PTPRD: variants seen among roughly 807,000 people sequenced by gnomAD.
PTPRD encodes the protein protein tyrosine phosphatase receptor type D.
Under a neutral mutation model 214.5 loss-of-function variants are expected in PTPRD, and 34 were observed. The observed-to-expected ratio is 0.16, with a 90% CI of 0.12 to 0.21. The LOEUF (loss-of-function observed/expected upper bound fraction) is 0.21, where lower values mean the gene tolerates loss of function less well. PTPRD is among the 10% of genes least tolerant of loss of function. The pLI is 1.00. For synonymous variants in PTPRD, 1,128 were observed against 845.7 expected (o/e 1.33, Z -5.79); for missense variants, 2,545 against 2,398.7 (o/e 1.06, Z -1.27).
chr9:9,595,009 G>A (rs1180550857), intron 7 of PTPRD, among the ~76,000 whole-genome samples: 6 of 151,918 alleles, frequency 3.9e-5, no homozygotes, highest in African/African-American at 1.4e-4. Flanking sequence ...TAATGATTAG[G>A]GGAATGCAAA....
chr9:8,603,119 GT>G (rs1351100570), intron 14 of PTPRD, among the ~76,000 whole-genome samples: 1 of 152,164 alleles, frequency 6.6e-6, no homozygotes, highest in African/African-American at 2.4e-5. Context: ...ATTCATGGAA[GT>G]ATACTATAAT....
chr9:8,590,032 T>C (rs907708443), intron 14 of PTPRD, among the ~76,000 whole-genome samples: 8 of 152,112 alleles, frequency 5.3e-5, no homozygotes, highest in Non-Finnish European at 7.4e-5. Flanking sequence ...ACGTCGGTTT[T>C]TGCAATGTTC....
intron 8 of PTPRD, among the ~76,000 whole-genome samples, chr9:9,424,388 C>T (rs1374130944): frequency 1.3e-5 from 2 of 152,180 alleles, no homozygotes; most frequent in African/African-American, 2.4e-5. Context: ...AACCTACCAG[C>T]TGGCTGGCAA....
At chr9:10,319,713 GC>G (rs1256557850) in intron 3 of PTPRD, among the ~76,000 whole-genome samples, 6 of 151,912 alleles carry the variant, frequency 3.9e-5, no homozygotes, top group Non-Finnish European at 5.9e-5. Context: ...TAAAACCTAT[GC>G]TTTTACATTC....
At chr9:10,303,683 G>C (rs913681412) in intron 3 of PTPRD, among the ~76,000 whole-genome samples, 2 of 150,224 alleles carry the variant, frequency 1.3e-5, no homozygotes, top group Non-Finnish European at 2.9e-5. Flanking sequence ...TAAATTCATG[G>C]ACACATACAC....
chr9:9,411,931 C>G (rs932871569), intron 8 of PTPRD, among the ~76,000 whole-genome samples: 1 of 152,156 alleles, frequency 6.6e-6, no homozygotes, highest in African/African-American at 2.4e-5. Flanking sequence ...TTAGACCAAC[C>G]CTGTCATTTT....
At chr9:10,070,862 T>C (rs903565886) in intron 3 of PTPRD, among the ~76,000 whole-genome samples, 5 of 151,974 alleles carry the variant, frequency 3.3e-5, no homozygotes, top group African/African-American at 4.8e-5. Flanking sequence ...CCTTATTTTG[T>C]AGATTAAAAA....
rs530315321 is a variant in PTPRD, at chr9:8,425,340, C to A, written c.4086+11252G>T. On this transcript the variant is annotated intron_variant, in intron 35 of 45. Transcript: ENST00000381196. Reference sequence around the variant, plus strand: ...GAATTGTAGGAAGTGATTTCCATGACTTTTCTGAACATTTTTGAAATCACT... The same window carrying A: ...GAATTGTAGGAAGTGATTTCCATGAATTTTCTGAACATTTTTGAAATCACT... 7.9e-5 allele frequency among the ~76,000 whole-genome samples: 12 copies of A among 152,252 alleles called. 1 individual carries two copies. In the South Asian group the frequency reaches 2.5e-3, roughly 32 times the overall value.
chr9:10,356,089 C>A (rs1056237488), intron 2 of PTPRD, among the ~76,000 whole-genome samples: 1 of 148,858 alleles, frequency 6.7e-6, no homozygotes, highest in African/African-American at 2.5e-5. Flanking sequence ...TTTGAGGGAG[C>A]TTTAAATAAA....
rs146453167 is a variant in PTPRD, at chr9:10,090,005, A to G, written c.-544-56215T>C. Reference sequence around the variant, plus strand: ...TTCATAAGGCAAGATATTCCAACACATGCAGAGAGTGAAGGACACTATCTA... The same window carrying G: ...TTCATAAGGCAAGATATTCCAACACGTGCAGAGAGTGAAGGACACTATCTA... On this transcript the variant is annotated intron_variant, in intron 3 of 45. Transcript: ENST00000381196. Among the ~76,000 whole-genome samples, 220 of 151,738 alleles carry G rather than the reference A, an allele frequency of 1.4e-3. 2 individuals carry two copies. The highest frequency in any genetic ancestry group is 5.1e-3 in the African/African-American group (210 of 41,484).
chr9:8,713,056 C>A (rs1291929236), intron 12 of PTPRD, among the ~76,000 whole-genome samples: 1 of 152,128 alleles, frequency 6.6e-6, no homozygotes, highest in Admixed American at 6.6e-5. Context: ...AAATAAAAAT[C>A]TCAGAAATCT....
At chr9:8,686,798 T>C (rs1383175260) in intron 12 of PTPRD, among the ~76,000 whole-genome samples, 1 of 152,190 alleles carries the variant, frequency 6.6e-6, no homozygotes. Context: ...AAAATAAGTT[T>C]TGACGCATTT....
At chr9:9,567,104 G>A (rs890278148) in intron 8 of PTPRD, among the ~76,000 whole-genome samples, 4 of 152,020 alleles carry the variant, frequency 2.6e-5, no homozygotes. Flanking sequence ...GCGCACATAG[G>A]TCACCTGAAG....
chr9:8,967,557 A>G (rs2099205368), intron 11 of PTPRD, among the ~76,000 whole-genome samples: 1 of 152,166 alleles, frequency 6.6e-6, no homozygotes, highest in Non-Finnish European at 1.5e-5. Flanking sequence ...ATCCTAAGCG[A>G]ATTAACACAC....
intron 8 of PTPRD, among the ~76,000 whole-genome samples, chr9:9,472,187 A>G (rs982022382): frequency 2.2e-5 from 3 of 135,410 alleles, no homozygotes; most frequent in Non-Finnish European, 3.1e-5. Context: ...CCCTACTCCA[A>G]TCTTTTTTTT....
chr9:10,448,022 T>C (rs2098811395), intron 2 of PTPRD, among the ~76,000 whole-genome samples: 1 of 151,998 alleles, frequency 6.6e-6, no homozygotes. Context: ...GTGTATAATG[T>C]GTGTAGCTAT....
intron 21 of PTPRD, among the ~76,000 whole-genome samples, chr9:8,513,556 T>C (rs1055755177): frequency 5.3e-5 from 8 of 152,106 alleles, no homozygotes; most frequent in African/African-American, 1.9e-4. Flanking sequence ...GTATTTAAAA[T>C]GTACTTCAAT....
chr9:9,291,701 T>C (rs1951194591), intron 9 of PTPRD, among the ~76,000 whole-genome samples: 2 of 151,224 alleles, frequency 1.3e-5, no homozygotes, highest in South Asian at 4.1e-4. Flanking sequence ...TGAATAAAAA[T>C]TTATTTACTA....
chr9:9,263,736 G>A (rs912568954), intron 9 of PTPRD, among the ~76,000 whole-genome samples: 2 of 151,554 alleles, frequency 1.3e-5, no homozygotes, highest in African/African-American at 4.8e-5. Context: ...TCACTTATAG[G>A]TGGGAACTAA....
Sources: gnomAD v4.1 joint callset for allele counts (sites outside exome capture counted in the v4.1 genomes callset) on GRCh38, gnomAD v4.1.1 for gene constraint, MANE v1.5 for transcripts, NCBI Gene and HGNC (gene_info 2026-07-23, HGNC 2026-07-21) for gene names.